The following SMC4 variants were observed in gnomAD, a reference collection of about 807,000 sequenced individuals.
SMC4 encodes the protein structural maintenance of chromosomes 4, also known as structural maintenance of chromosomes protein 4.
In SMC4, 87 loss-of-function variants were observed where a neutral mutation model predicts 145.6. That is an observed-to-expected ratio of 0.60 (90% CI 0.50 to 0.71). SMC4 has a LOEUF of 0.71. Ranked by LOEUF, SMC4 falls within the 30% of genes least tolerant of loss-of-function variation. The pLI, the probability that SMC4 is intolerant of heterozygous loss-of-function variation, is 0.00. For missense variants in SMC4, 1,447 were observed against 1,537.1 expected (o/e 0.94, Z 0.98); for synonymous variants, 558 against 500.7 (o/e 1.11, Z -1.53).
At chr3:160,399,793 C>A (rs1010714865) in intron 1 of SMC4, 44 bp downstream of exon 1, 1 of 152,398 alleles carries the variant, frequency 6.6e-6, no homozygotes, top group African/African-American at 2.4e-5. Flanking sequence ...GCTCTTACTT[C>A]CTGCCTTGTC....
In SMC4 at chr3:160,400,957, C is replaced by A; in HGVS notation, c.131C>A (p.Thr44Asn). The part of the protein sequence containing the change: ...PPSGRTESPA[T>N]AAETASEELD... Reference sequence around the variant, plus strand: ...TCCGGCCGCACGGAGAGCCCAGCCACCGCCGCAGGTGAGTGACCCGCCGCG... The same window carrying A: ...TCCGGCCGCACGGAGAGCCCAGCCAACGCCGCAGGTGAGTGACCCGCCGCG... Residue 44 changes from threonine (T) to asparagine (N), a missense_variant, in exon 2 of 24, where the codon ACC becomes AAC. Coordinates refer to ENST00000357388, the MANE Select transcript of SMC4 (RefSeq NM_001002800.3). 1 of 1,429,438 alleles carries A rather than the reference C, an allele frequency of 7.0e-7. No individual in the cohort carries two copies. Among genetic ancestry groups the A allele is most frequent in the Non-Finnish European group, 9.1e-7 (1 of 1,103,570 alleles). 88.5% of individuals were successfully genotyped at this position (1,429,438 alleles called of 1,614,324 possible).
At chr3:160,425,925 T>C (rs569233630) in intron 16 of SMC4, 149 bp from the exon 17 acceptor site, 2 of 593,392 alleles carry the variant, frequency 3.4e-6, no homozygotes, top group Admixed American at 3.5e-5. Flanking sequence ...TGTTGGCCAT[T>C]TTCATTTTTT....
At chr3:160,431,621 C>G (rs1163566265) in intron 20 of SMC4, 22 bp from the exon 21 acceptor site, 2 of 1,532,960 alleles carry the variant, frequency 1.3e-6, no homozygotes, top group Non-Finnish European at 1.8e-6. Flanking sequence ...TTCTCTAACT[C>G]TCCCCTAAAT....
In SMC4 at chr3:160,404,522, T is replaced by C. The variant is rs762778955; in HGVS notation, c.687+18T>C. 1.8e-5 allele frequency: 29 copies of C among 1,600,884 alleles called. No individual in the cohort carries two copies. Among genetic ancestry groups the C allele is most frequent in the African/African-American group, 2.7e-5 (2 of 74,084 alleles). On this transcript the variant is annotated intron_variant, in intron 5 of 23. Coordinates refer to ENST00000357388, the MANE Select transcript of SMC4 (RefSeq NM_001002800.3). ...TTTTACAGGTAAGTTTATTAAAGAC[T>C]TCAAAGATTCTCTTATTCTTGTTAC...
rs368312846 is a variant in SMC4 at position 160,428,938 on chromosome 3, G to A, written c.2791G>A (p.Asp931Asn). 6.9e-6 allele frequency: 11 copies of A among 1,582,790 alleles called. No individual in the cohort carries two copies. In the East Asian group the frequency reaches 1.6e-4, roughly 23 times the overall value. ...TKAQVAIKTA[D>N]RNLQKAQDSV... is the part of the protein sequence containing the mutation. Reference sequence around the variant, plus strand: ...AGCCCAAGTAGCAATCAAGACTGCTGACAGGTAGAGTATGCATGTTACCCT... The same window carrying A: ...AGCCCAAGTAGCAATCAAGACTGCTAACAGGTAGAGTATGCATGTTACCCT... Residue 931 changes from aspartate to asparagine, a missense_variant, in exon 18 of 24, where the codon GAC becomes AAC. Transcript: ENST00000357388.
At chr3:160,408,754 A>C (rs1715627344) in intron 5 of SMC4, among the ~76,000 whole-genome samples, 1 of 152,196 alleles carries the variant, frequency 6.6e-6, no homozygotes, top group South Asian at 2.1e-4. Flanking sequence ...GTCAATCTAC[A>C]GATTACATAG....
rs747730394 is a variant in SMC4, at chr3:160,428,953, C to T, written c.2795+11C>T. 3 of 1,557,040 alleles carry T rather than the reference C, an allele frequency of 1.9e-6. No individual in the cohort carries two copies. The Admixed American group carries it at 7.0e-5, about 36-fold the overall frequency. On this transcript the variant is annotated intron_variant, in intron 18 of 23. Transcript: ENST00000357388. The stretch of plus-strand genomic sequence containing the variant: ...CAAGACTGCTGACAGGTAGAGTATG[C>T]ATGTTACCCTAACTTGTTTTCCCTT...
intron 8 of SMC4, chr3:160,413,966 A>G: frequency 3.1e-6 from 1 of 318,408 alleles, no homozygotes; most frequent in Non-Finnish European, 5.9e-6. Flanking sequence ...TCATGTCCCT[A>G]CTTGATGCCA....
intron 17 of SMC4, among the ~76,000 whole-genome samples, chr3:160,427,559 T>C (rs1410729049): frequency 6.6e-6 from 1 of 152,224 alleles, no homozygotes; most frequent in East Asian, 1.9e-4. Context: ...CAAGAGTCTA[T>C]ATGTGTTTCA....
intron 23 of SMC4, 156 bp from the exon 24 acceptor site, chr3:160,433,501 T>C: frequency 1.8e-6 from 1 of 564,168 alleles, no homozygotes; most frequent in East Asian, 3.1e-5. Context: ...ACCAAATTCC[T>C]TTCACACTCA....
intron 4 of SMC4, among the ~76,000 whole-genome samples, chr3:160,403,632 A>G (rs370296148): frequency 2.6e-5 from 4 of 151,978 alleles, no homozygotes; most frequent in African/African-American, 9.7e-5. Context: ...TGTGCTTTCT[A>G]TTGTACAAGT....
chr3:160,423,474 C>G lies in SMC4; in HGVS notation c.2069C>G (p.Thr690Ser), dbSNP rs747695929. Reference sequence around the variant, plus strand: ...ACCGAAATTCAAACTCCTGAAAATACTCCTCGTTTATTTGATTTAGTAAAA... The same window carrying G: ...ACCGAAATTCAAACTCCTGAAAATAGTCCTCGTTTATTTGATTTAGTAAAA... ...KMTEIQTPENTPRLFDLVKVK... is the reference protein window; with the variant it reads ...KMTEIQTPENSPRLFDLVKVK... The change falls in exon 14 of 24, where the codon ACT (threonine) becomes AGT (serine). Residue 690 changes from threonine (T) to serine (S), a missense_variant. Coordinates refer to ENST00000357388, the MANE Select transcript of SMC4 (RefSeq NM_001002800.3). 3 of 1,600,156 alleles carry G rather than the reference C, an allele frequency of 1.9e-6. No individual in the cohort carries two copies. The highest frequency in any genetic ancestry group is 3.4e-5 in the Admixed American group (2 of 59,430).
intron 12 of SMC4, among the ~76,000 whole-genome samples, chr3:160,419,811 A>AG (rs1428354743): frequency 6.6e-6 from 1 of 152,012 alleles, no homozygotes; most frequent in Non-Finnish European, 1.5e-5. Context: ...TTTTTTTTAA[A>AG]AGAGAGACTT....
At chr3:160,404,530 T>C in intron 5 of SMC4, 26 bp downstream of exon 5, 2 of 1,598,908 alleles carry the variant, frequency 1.3e-6, no homozygotes, top group Non-Finnish European at 1.7e-6. Flanking sequence ...ACTTCAAAGA[T>C]TCTCTTATTC....
rs1265903089 is a variant in SMC4, at chr3:160,424,862, T to C, written c.2326-5T>C. Reference sequence around the variant, plus strand: ...AATGGCTCTTAGAGAAAACTTTCTTTGTAGGTAAACAAAATGGAATCACAG... The same window carrying C: ...AATGGCTCTTAGAGAAAACTTTCTTCGTAGGTAAACAAAATGGAATCACAG... On this transcript the variant is annotated splice_polypyrimidine_tract_variant and splice_region_variant and intron_variant, in intron 15 of 23. Transcript: ENST00000357388. The C allele has an allele frequency of 1.9e-6, 3 of 1,613,112 alleles. No homozygotes were observed. Among genetic ancestry groups the C allele is most frequent in the Non-Finnish European group, 1.7e-6 (2 of 1,179,840 alleles).
Position 160,412,060 on chromosome 3 carries a change from A to T in SMC4, c.828A>T (p.Ile276=), listed in dbSNP as rs1158535965. 1.2e-6 allele frequency: 2 copies of T among 1,613,368 alleles called. No individual in the cohort carries two copies. The highest frequency in any genetic ancestry group is 2.7e-5 in the African/African-American group (2 of 74,920). The change falls in exon 6 of 24, where the codon ATA becomes ATT. Residue 276 remains isoleucine (I), a synonymous_variant. Coordinates refer to ENST00000357388, the MANE Select transcript of SMC4 (RefSeq NM_001002800.3). ...AAGTCTTGTGTCGGAGAGTTGAAAT[A>T]TTAAATGAACACAGAGGAGAGAAGG... ...PIKVLCRRVE[I]LNEHRGEKLN... is the part of the protein sequence containing the mutation.
chr3:160,431,197 C>T lies in SMC4; in HGVS notation c.3106C>T (p.His1036Tyr), dbSNP rs777983879. ...AEHNSKIKYW[H>Y]KEISKISLHP... ...ACATAATTCTAAAATAAAATATTGGCACAAAGAGGTGAGATTGTTACCGTT... is the reference window on the plus strand; with the variant it reads ...ACATAATTCTAAAATAAAATATTGGTACAAAGAGGTGAGATTGTTACCGTT... Residue 1036 changes from histidine (H) to tyrosine (Y), a missense_variant, in exon 20 of 24, where the codon CAC becomes TAC. Transcript: ENST00000357388. The T allele has an allele frequency of 1.9e-6, 3 of 1,574,560 alleles. No homozygotes were observed. In the South Asian group the frequency reaches 3.6e-5, roughly 19 times the overall value.
intron 5 of SMC4, among the ~76,000 whole-genome samples, chr3:160,410,423 G>A (rs1715857679): frequency 1.3e-5 from 2 of 152,164 alleles, no homozygotes; most frequent in Admixed American, 6.5e-5. Context: ...AAAGGTTTGG[G>A]CATTTTTCCA....
At chr3:160,423,129 T>G (rs1041029182) in intron 13 of SMC4, among the ~76,000 whole-genome samples, 1 of 152,146 alleles carries the variant, frequency 6.6e-6, no homozygotes, top group Non-Finnish European at 1.5e-5. Context: ...TATATGACTT[T>G]TAAGATCCAG....
Sources: allele counts gnomAD v4.1 joint callset (sites outside exome capture counted in the v4.1 genomes callset), GRCh38; gene constraint gnomAD v4.1.1; transcripts MANE v1.5; gene names NCBI Gene and HGNC (gene_info 2026-07-23, HGNC 2026-07-21).